The following CHST9 variants were observed in gnomAD, a reference collection of about 807,000 sequenced individuals.
CHST9 encodes GalNAc-4-sulfotransferase 2.
In CHST9, 41 loss-of-function variants were observed where a neutral mutation model predicts 44.4. The ratio of observed to expected loss-of-function variants is 0.92; its 90% CI spans 0.72 to 1.20. The LOEUF is 1.20. CHST9 is among the 50% of genes most tolerant of loss of function. The pLI is 0.00. For missense variants in CHST9, 504 were observed against 516.5 expected, an observed-to-expected ratio of 0.98 and a Z score of 0.23; for synonymous variants, 171 against 178.4, an observed-to-expected ratio of 0.96 and a Z score of 0.33.
intron 2 of CHST9, among the ~76,000 whole-genome samples, chr18:27,110,098 A>G (rs1168887321): frequency 6.6e-6 from 1 of 152,270 alleles, no homozygotes; most frequent in South Asian, 2.1e-4. Flanking sequence ...TAAAAGTGTA[A>G]AGATTCAATG....
chr18:27,053,017 A>G (rs930023353), intron 2 of CHST9, among the ~76,000 whole-genome samples: 3 of 151,478 alleles, frequency 2.0e-5, no homozygotes, highest in African/African-American at 4.9e-5. Flanking sequence ...GCAGCAAACC[A>G]TCATGGCACA....
chr18:27,039,224 T>C (rs2143524610), intron 3 of CHST9, among the ~76,000 whole-genome samples: 1 of 152,280 alleles, frequency 6.6e-6, no homozygotes, highest in South Asian at 2.1e-4. Flanking sequence ...TACACCCATG[T>C]TCACAGCAGC....
chr18:26,932,093 G>A (rs1329782691), intron 5 of CHST9, among the ~76,000 whole-genome samples: 1 of 151,922 alleles, frequency 6.6e-6, no homozygotes, highest in Non-Finnish European at 1.5e-5. Context: ...GAATGAATGA[G>A]GACATCATCC....
At chr18:26,944,997 TCTGTCATTGTGAA>T (rs1319194333) in intron 4 of CHST9, among the ~76,000 whole-genome samples, 1 of 152,194 alleles carries the variant, frequency 6.6e-6, no homozygotes, top group African/African-American at 2.4e-5. Flanking sequence ...AATATATTTC[TCTGTCATTGTGAA>T]AATAGCCTGA....
chr18:26,917,208 G>T lies in CHST9; in HGVS notation c.383C>A (p.Pro128Gln). 18 of 1,613,848 alleles carry T rather than the reference G, an allele frequency of 1.1e-5. No individual in the cohort carries two copies. The highest frequency in any genetic ancestry group is 1.5e-5 in the Non-Finnish European group (18 of 1,179,834). The change falls in exon 6 of 6, where the codon CCA (proline) becomes CAA (glutamine). Residue 128 changes from proline (P) to glutamine (Q), a missense_variant. Coordinates refer to ENST00000618847, the MANE Select transcript of CHST9 (RefSeq NM_031422.6). ...DQALSKSTGSPTEKLIEKRQG... is the reference protein window; with the variant it reads ...DQALSKSTGSQTEKLIEKRQG... Reference sequence around the variant, plus strand: ...ACGTTTTTCAATCAACTTCTCTGTTGGTGACCCTGTGGACTTACTTAAAGC... The same window carrying T: ...ACGTTTTTCAATCAACTTCTCTGTTTGTGACCCTGTGGACTTACTTAAAGC...
intron 2 of CHST9, among the ~76,000 whole-genome samples, chr18:27,141,853 C>A (rs187102081): frequency 1.6e-3 from 238 of 151,940 alleles, no homozygotes; most frequent in African/African-American, 5.5e-3. Context: ...CTATTTCTAC[C>A]AATGGAAACC....
At chr18:27,097,698 G>T (rs545414587) in intron 2 of CHST9, among the ~76,000 whole-genome samples, 1 of 152,182 alleles carries the variant, frequency 6.6e-6, no homozygotes, top group South Asian at 2.1e-4. Context: ...TTTTCTTCTA[G>T]GGTTTTTATG....
rs376300249 is a variant in CHST9, at chr18:26,911,638, G to T, written c.*4621C>A. The T allele has an allele frequency of 2.0e-5, 3 of 152,172 alleles. No homozygotes were observed. The highest frequency in any genetic ancestry group is 4.1e-4 in the South Asian group (2 of 4,822). The allele number at this position is 152,172 out of a possible 1,614,324, so 9.4% of individuals were successfully genotyped here. On this transcript the variant is annotated 3_prime_UTR_variant, in exon 6 of 6. Coordinates refer to ENST00000618847, the MANE Select transcript of CHST9 (RefSeq NM_031422.6). ...GAGACTTGAGGAGAGGTTTAGGGAT[G>T]GAAAAAGATGACTGCTTAAATGGAT... is the stretch of plus-strand genomic sequence containing the variant.
At chr18:27,180,873 G>A (rs2058906629) in intron 1 of CHST9, among the ~76,000 whole-genome samples, 1 of 151,966 alleles carries the variant, frequency 6.6e-6, no homozygotes, top group Admixed American at 6.6e-5. Context: ...TTTATCCTGT[G>A]GGTCTCAATT....
intron 1 of CHST9, among the ~76,000 whole-genome samples, chr18:27,149,603 T>TC (rs2058643934): frequency 6.6e-6 from 1 of 151,712 alleles, no homozygotes; most frequent in African/African-American, 2.4e-5. Flanking sequence ...TTTCAGCTTT[T>TC]TTTTTTTTTT....
intron 1 of CHST9, among the ~76,000 whole-genome samples, chr18:27,169,060 T>G (rs1390522715): frequency 1.3e-5 from 2 of 152,106 alleles, no homozygotes; most frequent in Admixed American, 6.6e-5. Context: ...GCCCACAAGT[T>G]CAAGCTTGGA....
intron 3 of CHST9, among the ~76,000 whole-genome samples, chr18:27,028,926 T>G (rs1045479362): frequency 6.6e-6 from 1 of 152,222 alleles, no homozygotes; most frequent in Admixed American, 6.5e-5. Flanking sequence ...ATAAAATTAT[T>G]AAAACGTTTA....
chr18:27,143,907 T>C (rs958500126), intron 1 of CHST9, among the ~76,000 whole-genome samples: 3 of 152,154 alleles, frequency 2.0e-5, no homozygotes, highest in African/African-American at 7.2e-5. Context: ...CATGTATACC[T>C]ATGTAACAAA....
At chr18:27,051,481 G>A (rs2057566232) in intron 2 of CHST9, among the ~76,000 whole-genome samples, 2 of 152,106 alleles carry the variant, frequency 1.3e-5, no homozygotes, top group South Asian at 4.1e-4. Flanking sequence ...TCCCTCTGGG[G>A]GATGCCGGAT....
At chr18:27,096,411 G>A (rs1356320703) in intron 2 of CHST9, among the ~76,000 whole-genome samples, 5 of 151,276 alleles carry the variant, frequency 3.3e-5, no homozygotes, top group African/African-American at 7.3e-5. Context: ...AAAGATAGCA[G>A]AAAAAAAGAA....
intron 4 of CHST9, among the ~76,000 whole-genome samples, chr18:27,019,517 C>A (rs2057194810): frequency 1.3e-5 from 2 of 151,786 alleles, no homozygotes; most frequent in African/African-American, 4.8e-5. Flanking sequence ...TCTTTCAGTT[C>A]CTGTAAATGG....
At chr18:27,003,524 T>C (rs2056977509) in intron 4 of CHST9, among the ~76,000 whole-genome samples, 2 of 152,146 alleles carry the variant, frequency 1.3e-5, no homozygotes, top group African/African-American at 4.8e-5. Context: ...TTTCCGCAGA[T>C]AGGGTGTATA....
chr18:27,004,115 GAGA>G (rs929550331), intron 4 of CHST9, among the ~76,000 whole-genome samples: 4 of 151,748 alleles, frequency 2.6e-5, no homozygotes, highest in East Asian at 1.9e-4. Flanking sequence ...AATGAAAGCA[GAGA>G]AGAACAGTAA....
intron 4 of CHST9, among the ~76,000 whole-genome samples, chr18:27,006,871 G>A (rs2057023006): frequency 6.6e-6 from 1 of 152,210 alleles, no homozygotes; most frequent in Non-Finnish European, 1.5e-5. Flanking sequence ...AATGGGCAGA[G>A]ATGGTGATCC....
Sources: allele counts gnomAD v4.1 joint callset (sites outside exome capture counted in the v4.1 genomes callset), GRCh38; gene constraint gnomAD v4.1.1; transcripts MANE v1.5; gene names NCBI Gene and HGNC (gene_info 2026-07-23, HGNC 2026-07-21).